The following CPB1 variants were observed in gnomAD, a reference collection of about 807,000 sequenced individuals.
The protein encoded by CPB1 is carboxypeptidase B.
CPB1 carries 53 observed loss-of-function variants against 51.4 expected under a neutral mutation model. The observed-to-expected ratio is 1.03, with a 90% CI of 0.83 to 1.30. The LOEUF (loss-of-function observed/expected upper bound fraction) is 1.30, where lower values mean the gene tolerates loss of function less well. Ranked by LOEUF, CPB1 falls within the 50% of genes most tolerant of loss-of-function variation. CPB1 has a pLI of 0.00. For missense variants in CPB1, 494 were observed against 516.2 expected, an observed-to-expected ratio of 0.96 and a Z score of 0.42; for synonymous variants, 189 against 186.9, an observed-to-expected ratio of 1.01 and a Z score of -0.09.
intron 3 of CPB1, among the ~76,000 whole-genome samples, chr3:148,838,992 A>ATATCCTAATCCT (rs6148125): frequency 6.6e-6 from 1 of 151,772 alleles, no homozygotes; most frequent in East Asian, 1.9e-4. Flanking sequence ...AAAAAACTCT[A>ATATCCTAATCCT]CAGAACATGT....
intron 3 of CPB1, 97 bp downstream of exon 3, chr3:148,834,719 C>A (rs1385249066): frequency 1.2e-5 from 14 of 1,189,248 alleles, no homozygotes; most frequent in South Asian, 6.4e-5. Flanking sequence ...AGACCAAGAC[C>A]AATGCCTTCC....
At chr3:148,857,634 A>G (rs1713620341) in intron 10 of CPB1, 93 bp downstream of exon 10, 1 of 831,044 alleles carries the variant, frequency 1.2e-6, no homozygotes, top group Non-Finnish European at 1.8e-6. Context: ...AGTTTAAAGC[A>G]TGTGGCTTTT....
At chr3:148,844,839 G>A in intron 8 of CPB1, 72 bp downstream of exon 8, 2 of 1,289,704 alleles carry the variant, frequency 1.6e-6, no homozygotes, top group Admixed American at 2.0e-5. Context: ...AAACACAACA[G>A]TATCTAAAAT....
At chr3:148,847,957 G>T (rs910080466) in intron 9 of CPB1, among the ~76,000 whole-genome samples, 11 of 152,050 alleles carry the variant, frequency 7.2e-5, no homozygotes, top group Non-Finnish European at 1.5e-4. Flanking sequence ...TATCTTAAAA[G>T]AAATATTTAA....
intron 3 of CPB1, among the ~76,000 whole-genome samples, chr3:148,837,771 C>T (rs1712949443): frequency 6.6e-6 from 1 of 151,964 alleles, no homozygotes; most frequent in Non-Finnish European, 1.5e-5. Flanking sequence ...TGCTCTTTTG[C>T]AAGTTACTAG....
chr3:148,857,928 C>T (rs1466112046), intron 10 of CPB1, among the ~76,000 whole-genome samples: 1 of 151,928 alleles, frequency 6.6e-6, no homozygotes, highest in African/African-American at 2.4e-5. Flanking sequence ...AGAAAAATAT[C>T]CTTTTCAACC....
At chr3:148,828,156 A>C (rs1446284438) in intron 2 of CPB1, 79 bp downstream of exon 2, 5 of 1,136,706 alleles carry the variant, frequency 4.4e-6, no homozygotes, top group African/African-American at 1.6e-5. Flanking sequence ...GGAAAAAAAA[A>C]CATGAAATAT....
intron 2 of CPB1, among the ~76,000 whole-genome samples, chr3:148,831,605 G>A (rs113474025): frequency 1.6e-4 from 24 of 152,194 alleles, no homozygotes; most frequent in African/African-American, 5.3e-4. Context: ...ATTTTAGGAA[G>A]GATTCTTTAG....
intron 3 of CPB1, among the ~76,000 whole-genome samples, chr3:148,837,715 C>T (rs1712947536): frequency 6.6e-6 from 1 of 151,554 alleles, no homozygotes; most frequent in Non-Finnish European, 1.5e-5. Flanking sequence ...AGGTCAGTCC[C>T]CCGCCTTCAA....
chr3:148,853,035 C>T (rs918500363), intron 9 of CPB1, among the ~76,000 whole-genome samples: 6 of 152,152 alleles, frequency 3.9e-5, no homozygotes, highest in Admixed American at 3.3e-4. Flanking sequence ...TTATTGGTCC[C>T]TTGGTGTAAT....
intron 9 of CPB1, among the ~76,000 whole-genome samples, chr3:148,849,506 C>T (rs1467510611): frequency 6.6e-6 from 1 of 152,188 alleles, no homozygotes; most frequent in Non-Finnish European, 1.5e-5. Flanking sequence ...TATGGCTGCA[C>T]TTATTGGGCA....
chr3:148,834,751 A>ACGCG, intron 3 of CPB1, 129 bp downstream of exon 3: 1 of 779,620 alleles, frequency 1.3e-6, no homozygotes, highest in Non-Finnish European at 2.0e-6. Flanking sequence ...CAAATAGGTA[A>ACGCG]TGGCAGAGCT....
intron 9 of CPB1, chr3:148,857,245 G>T: frequency 2.2e-6 from 1 of 455,178 alleles, no homozygotes; most frequent in Non-Finnish European, 4.0e-6. Context: ...GTGAATGCTT[G>T]GGGAGGGTAT....
intron 6 of CPB1, 101 bp from the exon 7 acceptor site, chr3:148,844,377 C>A: frequency 1.3e-6 from 1 of 786,082 alleles, no homozygotes; most frequent in Non-Finnish European, 2.1e-6. Flanking sequence ...ATAGGAAATG[C>A]TGCTCTTATT....
chr3:148,840,362 C>T (rs2108014550), intron 3 of CPB1, among the ~76,000 whole-genome samples: 1 of 152,186 alleles, frequency 6.6e-6, no homozygotes, highest in East Asian at 1.9e-4. Context: ...AGGCCCTGAC[C>T]CAAAATGTCC....
In CPB1 at chr3:148,827,886, C is replaced by G; in HGVS notation, c.63C>G (p.His21Gln). ...CATCTGCTCATCATGGTGGTGAGCACTTTGAAGGGTAAGTAAGCCATCTTT... is the reference window on the plus strand; with the variant it reads ...CATCTGCTCATCATGGTGGTGAGCAGTTTGAAGGGTAAGTAAGCCATCTTT... ...ALASAHHGGE[H>Q]FEGEKVFRVN... Residue 21 changes from histidine (H) to glutamine (Q), a missense_variant, in exon 1 of 11, where the codon CAC becomes CAG. Physicochemically the swap from His to Gln is conservative, Grantham distance 24. Coordinates refer to ENST00000282957, the MANE Select transcript of CPB1 (RefSeq NM_001871.3). 2 of 1,614,106 alleles carry G rather than the reference C, an allele frequency of 1.2e-6. No individual in the cohort carries two copies. Among genetic ancestry groups the G allele is most frequent in the South Asian group, 1.1e-5 (1 of 91,088 alleles).
intron 10 of CPB1, among the ~76,000 whole-genome samples, chr3:148,859,156 C>T (rs1713678797): frequency 6.6e-6 from 1 of 152,168 alleles, no homozygotes; most frequent in South Asian, 2.1e-4. Flanking sequence ...GCAGAGCCAA[C>T]ATCTCTCCTT....
chr3:148,840,658 T>A (rs754133019), intron 3 of CPB1, 28 bp from the exon 4 acceptor site: 2 of 1,602,806 alleles, frequency 1.2e-6, no homozygotes, highest in Non-Finnish European at 8.5e-7. Context: ...CTTATGTTCA[T>A]AGGAACACCC....
At chr3:148,830,079 C>A (rs907972017) in intron 2 of CPB1, among the ~76,000 whole-genome samples, 13 of 152,136 alleles carry the variant, frequency 8.5e-5, no homozygotes, top group African/African-American at 2.9e-4. Context: ...CATACTGGCT[C>A]CCAGAGACCA....
Sources: gnomAD v4.1 joint callset for allele counts (sites outside exome capture counted in the v4.1 genomes callset) on GRCh38, gnomAD v4.1.1 for gene constraint, MANE v1.5 for transcripts, NCBI Gene and HGNC (gene_info 2026-07-23, HGNC 2026-07-21) for gene names.